The following DOC2B variants were observed in gnomAD, a reference collection of about 807,000 sequenced individuals.
The protein encoded by DOC2B is double C2-like domain-containing protein beta.
A neutral mutation model predicts 28.9 loss-of-function variants in DOC2B; 21 were observed. That is an observed-to-expected ratio of 0.73 (90% CI 0.52 to 1.05). DOC2B has a LOEUF of 1.05. DOC2B is among the 50% of genes least tolerant of loss of function. The probability of loss-of-function intolerance (pLI) is 0.00; values close to 1 mark genes in which losing one functional copy is unlikely to be tolerated. For synonymous variants in DOC2B, 194 were observed against 178.1 expected, an observed-to-expected ratio of 1.09 and a Z score of -0.71; for missense variants, 384 against 421.1, an observed-to-expected ratio of 0.91 and a Z score of 0.77.
chr17:160,506 TGGGTACACTG>T (rs1186781472), intron 5 of DOC2B, among the ~76,000 whole-genome samples: 2 of 149,834 alleles, frequency 1.3e-5, no homozygotes, highest in African/African-American at 5.1e-5. Flanking sequence ...CCACTGGGGC[TGGGTACACTG>T]GGGACAGCCG....
chr17:166,544 G>A (rs1301892413), intron 2 of DOC2B, among the ~76,000 whole-genome samples: 2 of 152,268 alleles, frequency 1.3e-5, no homozygotes, highest in Non-Finnish European at 2.9e-5. Flanking sequence ...ATTCCTACAG[G>A]TTGTGGGAAG....
At chr17:177,059 T>A (rs1165586764) in intron 1 of DOC2B, among the ~76,000 whole-genome samples, 1 of 118,888 alleles carries the variant, frequency 8.4e-6, no homozygotes, top group African/African-American at 3.1e-5. Context: ...AAGAAAAATG[T>A]CAGGCTCTCA....
chr17:148,986 CG>C (rs1290577662), intron 7 of DOC2B, 124 bp downstream of exon 7: 2 of 395,072 alleles, frequency 5.1e-6, no homozygotes, highest in Admixed American at 4.4e-5. Context: ...TGGCTTGGTG[CG>C]GCCCCTCCCC....
rs1296893673 is a variant in DOC2B, at chr17:146,273, T to G, written c.*1168A>C. 1.3e-5 allele frequency: 2 copies of G among 151,632 alleles called. No individual in the cohort carries two copies. Among genetic ancestry groups the G allele is most frequent in the Admixed American group, 6.6e-5 (1 of 15,214 alleles). 9.4% of individuals were successfully genotyped at this position (151,632 alleles called of 1,614,324 possible). A position where few individuals can be genotyped will look rare whatever the true frequency, so the allele number is the denominator to read the frequency against. ...GAGGCCCCCAGTGTGAGCCATGGAG[T>G]GGAGGGGAGGGGAAAGGGCAGAGTC... On this transcript the variant is annotated 3_prime_UTR_variant, in exon 9 of 9. Coordinates refer to ENST00000613549, the MANE Select transcript of DOC2B (RefSeq NM_003585.5).
chr17:156,666 G>A (rs537740428), intron 5 of DOC2B, among the ~76,000 whole-genome samples: 5 of 152,364 alleles, frequency 3.3e-5, no homozygotes, highest in Non-Finnish European at 5.9e-5. Context: ...ACTGCAGCCC[G>A]GGGGCCAGAT....
chr17:155,858 T>C (rs998904511), intron 6 of DOC2B, among the ~76,000 whole-genome samples: 3 of 152,212 alleles, frequency 2.0e-5, no homozygotes, highest in African/African-American at 7.2e-5. Flanking sequence ...TTCCTCTGCA[T>C]CCTCCCCCAG....
intron 1 of DOC2B, among the ~76,000 whole-genome samples, chr17:176,096 A>G (rs1054336544): frequency 9.2e-5 from 14 of 152,120 alleles, no homozygotes; most frequent in African/African-American, 3.4e-4. Flanking sequence ...CAGAGAGGGG[A>G]GGGGAGCTGC....
rs1597841690 is a variant in DOC2B at position 181,539 on chromosome 17, C to T, written c.-60G>A. The T allele has an allele frequency of 9.6e-6, 9 of 934,150 alleles. No homozygotes were observed. The highest frequency in any genetic ancestry group is 1.1e-5 in the Non-Finnish European group (9 of 786,160). 57.9% of individuals were successfully genotyped at this position (934,150 alleles called of 1,614,324 possible). A position where few individuals can be genotyped will look rare whatever the true frequency, so the allele number is the denominator to read the frequency against. ...GCCCGGCGCGACCCCGGCCCGGGGG[C>T]GGCTCAGCAGGCCCGGCGGGGCGCG... is the stretch of plus-strand genomic sequence containing the variant. On this transcript the variant is annotated 5_prime_UTR_variant, in exon 1 of 9. Coordinates refer to ENST00000613549, the MANE Select transcript of DOC2B (RefSeq NM_003585.5). The surrounding 1 kb of genome is among the most constrained non-coding windows in gnomAD (Gnocchi z 7.0).
At chr17:169,855 A>G (rs1037509681) in intron 2 of DOC2B, among the ~76,000 whole-genome samples, 1 of 151,908 alleles carries the variant, frequency 6.6e-6, no homozygotes, top group African/African-American at 2.4e-5. Context: ...AACTGGATTT[A>G]CACAGAGAAG....
At position 181,357 on chromosome 17, in the gene DOC2B, C is replaced by A. The variant is rs2040440990; in HGVS notation, c.123G>T (p.Pro41=). 5 of 1,129,378 alleles carry A rather than the reference C, an allele frequency of 4.4e-6. No individual in the cohort carries two copies. Among genetic ancestry groups the A allele is most frequent in the South Asian group, 7.3e-5 (2 of 27,360 alleles). 70.0% of individuals were successfully genotyped at this position (1,129,378 alleles called of 1,614,324 possible). The change falls in exon 1 of 9, where the codon CCG becomes CCT. Residue 41 remains proline, a synonymous_variant. Transcript: ENST00000613549. The surrounding 1 kb of genome is among the most constrained non-coding windows in gnomAD (Gnocchi z 7.0). ...KQISDYFPRF[P]RGLPPDAGPR... is the part of the protein sequence containing the mutation. ...GCCCGGCGTCCGGGGGCAGGCCCCG[C>A]GGGAAGCGGGGGAAGTAGTCGGAGA...
intron 1 of DOC2B, among the ~76,000 whole-genome samples, chr17:178,159 A>G (rs2040391513): frequency 6.6e-6 from 1 of 152,240 alleles, no homozygotes; most frequent in Non-Finnish European, 1.5e-5. Flanking sequence ...TGGCTGATGG[A>G]GACTGACAGC....
chr17:178,090 T>C (rs8081071), intron 1 of DOC2B, among the ~76,000 whole-genome samples: 6,476 of 152,326 alleles, frequency 0.043, 193 homozygotes, highest in Middle Eastern at 0.065. Flanking sequence ...GTCAAGGACC[T>C]TATTGTTACA....
chr17:175,116 T>G (rs2040354729), intron 1 of DOC2B, among the ~76,000 whole-genome samples: 1 of 152,212 alleles, frequency 6.6e-6, no homozygotes, highest in African/African-American at 2.4e-5. Flanking sequence ...CGCATGCCTG[T>G]GGTCCCAGCT....
chr17:165,123 G>T (rs1163402707), intron 2 of DOC2B, among the ~76,000 whole-genome samples: 1 of 151,404 alleles, frequency 6.6e-6, no homozygotes, highest in Non-Finnish European at 1.5e-5. Context: ...AGGTTTGGGG[G>T]CCTGGCTGGC....
At chr17:159,978 CT>C (rs112120859) in intron 5 of DOC2B, among the ~76,000 whole-genome samples, 4,423 of 135,180 alleles carry the variant, frequency 0.033, 132 homozygotes, top group African/African-American at 0.094. Context: ...GCTGGTGTTG[CT>C]TTTTTTTTTT....
chr17:147,778 C>T (rs1423445684), intron 8 of DOC2B, among the ~76,000 whole-genome samples: 3 of 152,190 alleles, frequency 2.0e-5, no homozygotes, highest in East Asian at 1.9e-4. Context: ...TCCACCAGGG[C>T]AGGGATAGGG....
In DOC2B at chr17:181,295, G is replaced by A; in HGVS notation, c.185C>T (p.Pro62Leu). 8.4e-7 allele frequency: 1 copy of A among 1,187,398 alleles called. No individual in the cohort carries two copies. The highest frequency in any genetic ancestry group is 4.2e-5 in the South Asian group (1 of 24,052). 73.6% of individuals were successfully genotyped at this position (1,187,398 alleles called of 1,614,324 possible). ...AAAPPDAPAR[P>L]AVAGAGRRSP... Reference sequence around the variant, plus strand: ...GCGGCGGCCGGCACCGGCCACAGCCGGGCGCGCGGGGGCGTCCGGGGGTGC... The same window carrying A: ...GCGGCGGCCGGCACCGGCCACAGCCAGGCGCGCGGGGGCGTCCGGGGGTGC... The change falls in exon 1 of 9, where the codon CCG becomes CTG. Residue 62 changes from proline to leucine, a missense_variant. Transcript: ENST00000613549. The surrounding 1 kb of genome is among the most constrained non-coding windows in gnomAD (Gnocchi z 7.0).
At position 156,337 on chromosome 17, in the gene DOC2B, C is replaced by T. The variant is rs769254700; in HGVS notation, c.806G>A (p.Arg269His). The T allele has an allele frequency of 2.3e-5, 35 of 1,551,338 alleles. No individual in the cohort carries two copies. The highest frequency in any genetic ancestry group is 3.0e-5 in the Non-Finnish European group (34 of 1,146,948). The change falls in exon 6 of 9, where the codon CGC (arginine) becomes CAC (histidine). Residue 269 changes from arginine (R) to histidine (H), a missense_variant. Coordinates refer to ENST00000613549, the MANE Select transcript of DOC2B (RefSeq NM_003585.5). ...TEDKSLEERGRILISLKYSSQ... is the reference protein window; with the variant it reads ...TEDKSLEERGHILISLKYSSQ... ...GCTGTACTTGAGGGAGATGAGGATG[C>T]GGCCCCGCTCCTCCAGGGACTTGTC...
intron 5 of DOC2B, among the ~76,000 whole-genome samples, chr17:157,322 G>A (rs570935630): frequency 1.3e-5 from 2 of 152,314 alleles, no homozygotes. Flanking sequence ...GGGCCTGGGG[G>A]GCTTTTCTGA....
Sources: allele counts gnomAD v4.1 joint callset (sites outside exome capture counted in the v4.1 genomes callset), GRCh38; gene constraint gnomAD v4.1.1; non-coding constraint Gnocchi (gnomAD v3.1); transcripts MANE v1.5; gene names NCBI Gene and HGNC (gene_info 2026-07-23, HGNC 2026-07-21).